CCDC178: variants seen among roughly 807,000 people sequenced by gnomAD.
The protein encoded by CCDC178 is coiled-coil domain-containing protein 178.
In CCDC178, 126 loss-of-function variants were observed where a neutral mutation model predicts 117.4. The ratio of observed to expected loss-of-function variants is 1.07; its 90% CI spans 0.93 to 1.24. The LOEUF (loss-of-function observed/expected upper bound fraction) is 1.24, where lower values mean the gene tolerates loss of function less well. Ranked by LOEUF, CCDC178 falls within the 50% of genes most tolerant of loss-of-function variation. CCDC178 has a pLI of 0.00. For missense variants in CCDC178, 1,030 were observed against 986.9 expected, an observed-to-expected ratio of 1.04 and a Z score of -0.59; for synonymous variants, 283 against 313.4, an observed-to-expected ratio of 0.90 and a Z score of 1.02.
chr18:33,352,808 T>C (rs187539177), intron 7 of CCDC178, among the ~76,000 whole-genome samples: 21 of 152,286 alleles, frequency 1.4e-4, no homozygotes, highest in Non-Finnish European at 5.9e-5. Context: ...TTTCGTTTCA[T>C]TGAGATTTAT....
At chr18:32,987,393 T>C (rs2055285230) in intron 21 of CCDC178, among the ~76,000 whole-genome samples, 1 of 151,984 alleles carries the variant, frequency 6.6e-6, no homozygotes, top group Non-Finnish European at 1.5e-5. Flanking sequence ...TAGATAGAGA[T>C]TACTCATATC....
chr18:33,268,128 C>A (rs1399625955), intron 12 of CCDC178, among the ~76,000 whole-genome samples: 2 of 151,670 alleles, frequency 1.3e-5, no homozygotes, highest in Admixed American at 1.3e-4. Context: ...ATGGAGTAGT[C>A]TTTTTTGAAC....
At chr18:33,357,551 T>C (rs1028897149) in intron 6 of CCDC178, among the ~76,000 whole-genome samples, 3 of 152,126 alleles carry the variant, frequency 2.0e-5, no homozygotes, top group Non-Finnish European at 2.9e-5. Context: ...GAGTGGTGAA[T>C]ACAAAATTAT....
intron 21 of CCDC178, among the ~76,000 whole-genome samples, chr18:33,077,836 A>G (rs762141209): frequency 6.6e-6 from 1 of 152,178 alleles, no homozygotes; most frequent in Non-Finnish European, 1.5e-5. Context: ...TTCACAGCCA[A>G]ATTCTACCAG....
intron 17 of CCDC178, 53 bp from the exon 18 acceptor site, chr18:33,223,272 C>A (rs1350893911): frequency 8.6e-6 from 13 of 1,504,206 alleles, no homozygotes; most frequent in African/African-American, 4.2e-5. Context: ...CAGTTATCCT[C>A]ATTTAGGCCA....
intron 3 of CCDC178, among the ~76,000 whole-genome samples, chr18:33,403,719 C>G (rs1386846704): frequency 4.6e-5 from 7 of 152,160 alleles, no homozygotes; most frequent in Non-Finnish European, 1.0e-4. Flanking sequence ...ACTGGAGGGT[C>G]AGGCTAATGC....
chr18:33,245,415 A>AT lies in CCDC178; in HGVS notation c.1422dup (p.Ser475IlefsTer6). On this transcript the variant is annotated frameshift_variant, in exon 15 of 23. Transcript: ENST00000383096. LOFTEE classifies it high-confidence loss of function. The stretch of plus-strand genomic sequence containing the variant: ...TATTTTATTTCAGATTCGTATTTTG[A>AT]TTTTTTCCGTATGCTGTAAAAGTAA... 1 of 1,558,832 alleles carries AT rather than the reference A, an allele frequency of 6.4e-7. No homozygotes were observed. The highest frequency in any genetic ancestry group is 8.7e-7 in the Non-Finnish European group (1 of 1,153,108).
At chr18:33,415,731 C>A (rs563496726) in intron 2 of CCDC178, among the ~76,000 whole-genome samples, 4 of 152,026 alleles carry the variant, frequency 2.6e-5, no homozygotes, top group African/African-American at 9.6e-5. Flanking sequence ...AATTCAAAAG[C>A]AAGCATAAAT....
At position 33,283,333 on chromosome 18, in the gene CCDC178, A is replaced by T. The variant is rs145238746; in HGVS notation, c.1176+9826T>A. 3.4e-3 allele frequency among the ~76,000 whole-genome samples: 524 copies of T among 152,300 alleles called. 2 individuals carry two copies. The highest frequency in any genetic ancestry group is 0.012 in the African/African-American group (502 of 41,540). ...CAACAGGATTAAAAAAAGAAAAAAA[A>T]TCCGAAGGTAACCAACCTCAAAGAC... On this transcript the variant is annotated intron_variant, in intron 12 of 22. Coordinates refer to ENST00000383096, the MANE Select transcript of CCDC178 (RefSeq NM_001105528.4).
intron 22 of CCDC178, among the ~76,000 whole-genome samples, chr18:32,967,412 A>G (rs2054837640): frequency 6.6e-6 from 1 of 151,572 alleles, no homozygotes; most frequent in Admixed American, 6.6e-5. Context: ...ATCTTTTATT[A>G]ACATAAAAGA....
At chr18:33,126,986 T>TAAAAA (rs1225815316) in intron 20 of CCDC178, among the ~76,000 whole-genome samples, 129 of 136,104 alleles carry the variant, frequency 9.5e-4, no homozygotes, top group East Asian at 5.6e-3. Context: ...TGCATTTGGT[T>TAAAAA]AAAAAAAAAA....
chr18:33,255,321 G>C (rs2059665995), intron 14 of CCDC178, among the ~76,000 whole-genome samples: 1 of 152,020 alleles, frequency 6.6e-6, no homozygotes, highest in Non-Finnish European at 1.5e-5. Context: ...GGAATAATAA[G>C]AGATGAGTTT....
At chr18:33,343,308 A>G (rs2062841386) in intron 9 of CCDC178, among the ~76,000 whole-genome samples, 1 of 152,164 alleles carries the variant, frequency 6.6e-6, no homozygotes, top group African/African-American at 2.4e-5. Flanking sequence ...GCAAGGGAAA[A>G]CTGCTATGCA....
intron 14 of CCDC178, among the ~76,000 whole-genome samples, chr18:33,252,854 T>C (rs1438288413): frequency 6.6e-6 from 1 of 151,818 alleles, no homozygotes; most frequent in Admixed American, 6.6e-5. Context: ...TAAGATACAG[T>C]TGAACACTAG....
intron 5 of CCDC178, among the ~76,000 whole-genome samples, chr18:33,377,678 G>T (rs2063383704): frequency 6.6e-6 from 1 of 152,154 alleles, no homozygotes; most frequent in Non-Finnish European, 1.5e-5. Flanking sequence ...CTAGCTAGCT[G>T]TCTCAGCACC....
chr18:33,207,401 G>A lies in CCDC178; in HGVS notation c.2238+4495C>T, dbSNP rs917444339. Among the ~76,000 whole-genome samples the A allele has an allele frequency of 2.6e-5, 4 of 151,876 alleles. No homozygotes were observed. The East Asian group carries it at 7.8e-4, about 30-fold the overall frequency. The stretch of plus-strand genomic sequence containing the variant: ...TATTTAAAAATGCAATTTGATATTT[G>A]AAAACATAATTATTTTAGTTGATCA... On this transcript the variant is annotated intron_variant, in intron 20 of 22. Transcript: ENST00000383096.
In CCDC178 at chr18:33,282,411, C is replaced by G. The variant is rs139765783; in HGVS notation, c.1176+10748G>C. 5.6e-3 allele frequency among the ~76,000 whole-genome samples: 851 copies of G among 152,242 alleles called. 5 individuals are homozygous for G. The highest frequency in any genetic ancestry group is 0.019 in the African/African-American group (802 of 41,548). On this transcript the variant is annotated intron_variant, in intron 12 of 22. Coordinates refer to ENST00000383096, the MANE Select transcript of CCDC178 (RefSeq NM_001105528.4). ...GAGACTTCAGCCCTAGGGGAACTGT[C>G]GGTCCTGATCTCTGCAAGCTGGTCC...
chr18:33,266,877 G>A, intron 14 of CCDC178, 39 bp downstream of exon 14: 1 of 1,459,546 alleles, frequency 6.9e-7, no homozygotes, highest in Non-Finnish European at 9.3e-7. Flanking sequence ...TAACATATTG[G>A]ATTATGGTAT....
chr18:33,435,084 C>T (rs2064271050), intron 2 of CCDC178, among the ~76,000 whole-genome samples: 2 of 151,830 alleles, frequency 1.3e-5, no homozygotes, highest in Admixed American at 6.6e-5. Flanking sequence ...AATGAGGGAC[C>T]GTCTGCAGAA....
Sources: gnomAD v4.1 joint callset for allele counts (sites outside exome capture counted in the v4.1 genomes callset) on GRCh38, gnomAD v4.1.1 for gene constraint, MANE v1.5 for transcripts, NCBI Gene and HGNC (gene_info 2026-07-23, HGNC 2026-07-21) for gene names.